Variants in ALCAM observed in about 807,000 individuals in gnomAD.
ALCAM encodes the protein activated leukocyte cell adhesion molecule, also known as CD166 antigen.
Under a neutral mutation model 70.9 loss-of-function variants are expected in ALCAM, and 30 were observed. The observed-to-expected ratio is 0.42, with a 90% CI of 0.32 to 0.57. The LOEUF is 0.57. ALCAM is among the 20% of genes least tolerant of loss of function. The pLI is 0.11. For missense variants in ALCAM, 591 were observed against 695.1 expected, an observed-to-expected ratio of 0.85 and a Z score of 1.68; for synonymous variants, 249 against 242.5, an observed-to-expected ratio of 1.03 and a Z score of -0.25.
At chr3:105,427,730 A>G (rs1393659046) in intron 1 of ALCAM, among the ~76,000 whole-genome samples, 1 of 151,896 alleles carries the variant, frequency 6.6e-6, no homozygotes, top group African/African-American at 2.4e-5. Flanking sequence ...GGGAGGGTTC[A>G]TAGAGTTTCT....
At chr3:105,481,282 G>A (rs1213016783) in intron 1 of ALCAM, among the ~76,000 whole-genome samples, 5 of 152,118 alleles carry the variant, frequency 3.3e-5, no homozygotes, top group South Asian at 4.2e-4. Flanking sequence ...AACTGAGTCC[G>A]TAACTATAGA....
At chr3:105,374,421 T>A (rs367798881) in intron 1 of ALCAM, among the ~76,000 whole-genome samples, 1 of 152,178 alleles carries the variant, frequency 6.6e-6, no homozygotes, top group East Asian at 1.9e-4. Flanking sequence ...AAGAACGTAA[T>A]GCTCTGAATA....
chr3:105,410,399 G>A (rs535583401), intron 1 of ALCAM, among the ~76,000 whole-genome samples: 1 of 152,182 alleles, frequency 6.6e-6, no homozygotes, highest in South Asian at 2.1e-4. Flanking sequence ...TTAAGGTGAA[G>A]TAAGTCAGAA....
At chr3:105,373,300 A>G (rs1935284468) in intron 1 of ALCAM, among the ~76,000 whole-genome samples, 1 of 152,176 alleles carries the variant, frequency 6.6e-6, no homozygotes. Flanking sequence ...TGTAATTAAA[A>G]AAGACTTTAT....
intron 1 of ALCAM, among the ~76,000 whole-genome samples, chr3:105,436,645 G>C (rs1191163745): frequency 2.0e-5 from 3 of 152,136 alleles, no homozygotes; most frequent in Non-Finnish European, 4.4e-5. Context: ...AATAGTTCTA[G>C]CAAAAGTTCT....
At chr3:105,476,645 A>G (rs1460340206) in intron 1 of ALCAM, among the ~76,000 whole-genome samples, 1 of 152,146 alleles carries the variant, frequency 6.6e-6, no homozygotes, top group African/African-American at 2.4e-5. Context: ...ATCCTGTAGC[A>G]GCTCAATTTG....
chr3:105,405,272 C>A (rs1267126839), intron 1 of ALCAM, among the ~76,000 whole-genome samples: 4 of 70,906 alleles, frequency 5.6e-5, no homozygotes, highest in African/African-American at 5.9e-5. Context: ...AGCAAAACTT[C>A]GTCTCAAAAA....
At chr3:105,548,687 G>A (rs538047787) in intron 11 of ALCAM, among the ~76,000 whole-genome samples, 35 of 151,416 alleles carry the variant, frequency 2.3e-4, no homozygotes, top group Non-Finnish European at 4.6e-4. Flanking sequence ...TTGGTTAAGT[G>A]TGATGGGGAC....
At chr3:105,548,481 T>C (rs1223303963) in intron 11 of ALCAM, among the ~76,000 whole-genome samples, 1 of 151,434 alleles carries the variant, frequency 6.6e-6, no homozygotes, top group Non-Finnish European at 1.5e-5. Flanking sequence ...GAGCTGTAAA[T>C]TAATTTTAAG....
At chr3:105,551,443 T>A (rs1940404332) in intron 12 of ALCAM, among the ~76,000 whole-genome samples, 1 of 151,648 alleles carries the variant, frequency 6.6e-6, no homozygotes, top group African/African-American at 2.4e-5. Flanking sequence ...GATGCCAATT[T>A]AGCATGTATG....
chr3:105,411,557 C>T (rs1936391912), intron 1 of ALCAM, among the ~76,000 whole-genome samples: 1 of 152,066 alleles, frequency 6.6e-6, no homozygotes, highest in Non-Finnish European at 1.5e-5. Context: ...CCTCTTTACA[C>T]GTTTCCATTC....
intron 1 of ALCAM, among the ~76,000 whole-genome samples, chr3:105,394,386 C>T (rs1470944389): frequency 6.6e-6 from 1 of 151,896 alleles, no homozygotes; most frequent in Non-Finnish European, 1.5e-5. Flanking sequence ...GCAGAGCAAA[C>T]ACGTCATGAT....
intron 3 of ALCAM, among the ~76,000 whole-genome samples, chr3:105,527,918 TGAG>T (rs1181737849): frequency 6.6e-6 from 1 of 150,700 alleles, no homozygotes; most frequent in Non-Finnish European, 1.5e-5. Flanking sequence ...TGGGGGGCAT[TGAG>T]GGGGGAGGAA....
In ALCAM at chr3:105,575,658, G is replaced by T. The variant is rs11559013; in HGVS notation, c.*1207G>T. 6.6e-6 allele frequency: 1 copy of T among 152,252 alleles called. No homozygotes were observed. Among genetic ancestry groups the T allele is most frequent in the Non-Finnish European group, 1.5e-5 (1 of 67,992 alleles). 9.4% of individuals were successfully genotyped at this position (152,252 alleles called of 1,614,324 possible). On this transcript the variant is annotated 3_prime_UTR_variant, in exon 16 of 16. Transcript: ENST00000306107. ...TATGCTTGAGGAAATTTTTAAGGTG[G>T]TAGTATAAATGGAAACTTTTTGAAG...
At chr3:105,546,981 A>G (rs887483016) in intron 9 of ALCAM, among the ~76,000 whole-genome samples, 168 bp from the exon 10 acceptor site, 1 of 151,504 alleles carries the variant, frequency 6.6e-6, no homozygotes, top group Non-Finnish European at 1.5e-5. Context: ...TGACTCTAAA[A>G]CAACAAAAGA....
At chr3:105,388,499 G>C (rs982212246) in intron 1 of ALCAM, among the ~76,000 whole-genome samples, 2 of 151,514 alleles carry the variant, frequency 1.3e-5, no homozygotes, top group African/African-American at 4.8e-5. Flanking sequence ...GAGATGTTCT[G>C]CTGTCTCTTT....
At chr3:105,516,266 A>G (rs747467971) in intron 1 of ALCAM, among the ~76,000 whole-genome samples, 1 of 151,928 alleles carries the variant, frequency 6.6e-6, no homozygotes, top group Admixed American at 6.6e-5. Context: ...AGTTAGTTTT[A>G]TGGAAAAAAG....
At chr3:105,389,371 GTTTTTTTTT>G (rs371987714) in intron 1 of ALCAM, among the ~76,000 whole-genome samples, 1 of 58,188 alleles carries the variant, frequency 1.7e-5, no homozygotes, top group Admixed American at 3.2e-4. Flanking sequence ...TATATACATA[GTTTTTTTTT>G]TTTTTTTTTT....
At position 105,490,828 on chromosome 3, in the gene ALCAM, C is replaced by T. The variant is rs115199834; in HGVS notation, c.74-29239C>T. On this transcript the variant is annotated intron_variant, in intron 1 of 15. Coordinates refer to ENST00000306107, the MANE Select transcript of ALCAM (RefSeq NM_001627.4). ...CCTCCTAACTGCTTTCATGGGCTGG[C>T]ATTGAGCAGCTTTTCTCGGCACACA... 3.0e-3 allele frequency among the ~76,000 whole-genome samples: 462 copies of T among 152,272 alleles called. 4 individuals carry two copies. Among genetic ancestry groups the T allele is most frequent in the African/African-American group, 9.8e-3 (406 of 41,532 alleles).
Sources: allele counts gnomAD v4.1 joint callset (sites outside exome capture counted in the v4.1 genomes callset), GRCh38; gene constraint gnomAD v4.1.1; transcripts MANE v1.5; gene names NCBI Gene and HGNC (gene_info 2026-07-23, HGNC 2026-07-21).